ITIH4: variants seen among roughly 807,000 people sequenced by gnomAD.
ITIH4 encodes the protein inter-alpha-trypsin inhibitor heavy chain H4.
A neutral mutation model predicts 111.8 loss-of-function variants in ITIH4; 79 were observed. The ratio of observed to expected loss-of-function variants is 0.71; its 90% CI spans 0.59 to 0.85. ITIH4 has a LOEUF of 0.85. Among genes scored for constraint, ITIH4 ranks in the 40% least tolerant of loss-of-function variants. ITIH4 has a pLI of 0.00. For missense variants in ITIH4, 1,065 were observed against 1,195.8 expected, an observed-to-expected ratio of 0.89 and a Z score of 1.61; for synonymous variants, 472 against 468.3, an observed-to-expected ratio of 1.01 and a Z score of -0.10.
rs1578768197 is a variant in ITIH4 at position 52,813,450 on chromosome 3, C to T, written c.2764G>A (p.Glu922Lys). The change falls in exon 24 of 24, where the codon GAG becomes AAG. Residue 922 changes from glutamate to lysine, a missense_variant. Transcript: ENST00000266041. ...AGCTCCACAGACCAGCAGGAAATCT[C>T]CACTCCCGGGGGCCCCTCCTGGTAA... The part of the protein sequence containing the change: ...LDYQEGPPGV[E>K]ISCWSVEL 4.3e-6 allele frequency: 7 copies of T among 1,614,056 alleles called. No individual in the cohort carries two copies. The highest frequency in any genetic ancestry group is 1.6e-4 in the Middle Eastern group (1 of 6,084).
At chr3:52,820,158 C>G in intron 14 of ITIH4, 133 bp downstream of exon 14, 1 of 1,366,708 alleles carries the variant, frequency 7.3e-7, no homozygotes, top group Non-Finnish European at 1.0e-6. Flanking sequence ...ACACTGCCTC[C>G]TGGCAGCAGG....
intron 4 of ITIH4, 42 bp downstream of exon 4, chr3:52,826,749 G>A: frequency 6.2e-7 from 1 of 1,613,306 alleles, no homozygotes; most frequent in African/African-American, 1.3e-5. Flanking sequence ...GCAGGGCAAG[G>A]GTCATGCAGG....
Position 52,821,062 on chromosome 3 carries a change from G to A in ITIH4, c.1608C>T (p.Pro536=). Residue 536 remains proline, a synonymous_variant, in exon 12 of 24, where the codon CCC becomes CCT. Transcript: ENST00000266041. ...VAEQEAEFQS[P]KYIFHNFMER... is the part of the protein sequence containing the mutation. ...CCATGAAGTTGTGGAAGATATACTT[G>A]GGGCTCTGGAACTCCGCCTCCTGCT... 1.2e-6 allele frequency: 2 copies of A among 1,614,042 alleles called. No individual in the cohort carries two copies. The highest frequency in any genetic ancestry group is 1.7e-6 in the Non-Finnish European group (2 of 1,180,028).
chr3:52,830,360 C>T (rs765903374), intron 1 of ITIH4, 193 bp downstream of exon 1: 2 of 686,646 alleles, frequency 2.9e-6, no homozygotes, highest in East Asian at 2.8e-5. Context: ...ATTGGATCAT[C>T]CCCTCTATTA....
Position 52,819,771 on chromosome 3 carries a change from C to A in ITIH4, c.1934G>T (p.Arg645Ile). Residue 645 changes from arginine (R) to isoleucine (I), a missense_variant, in exon 16 of 24, where the codon AGA becomes ATA. Transcript: ENST00000266041. ...PKPEASFSPR[R>I]GWNRQAGAAG... is the part of the protein sequence containing the mutation. ...CAAACTACCTTGTCTATTCCATCCTCTTCTTGGAGAAAAGGAAGCCTCTGT... is the reference window on the plus strand; with the variant it reads ...CAAACTACCTTGTCTATTCCATCCTATTCTTGGAGAAAAGGAAGCCTCTGT... The A allele has an allele frequency of 1.2e-6, 2 of 1,614,148 alleles. No homozygotes were observed. The highest frequency in any genetic ancestry group is 1.7e-6 in the Non-Finnish European group (2 of 1,180,010).
At chr3:52,827,667 G>A (rs1700506677) in intron 2 of ITIH4, among the ~76,000 whole-genome samples, 1 of 152,248 alleles carries the variant, frequency 6.6e-6, no homozygotes, top group East Asian at 1.9e-4. Context: ...GGAAGCAGAC[G>A]TAGGGCTGGA....
intron 4 of ITIH4, 42 bp from the exon 5 acceptor site, chr3:52,826,693 G>A: frequency 6.2e-7 from 1 of 1,610,474 alleles, no homozygotes; most frequent in Non-Finnish European, 8.5e-7. Flanking sequence ...CAGGAGCCTG[G>A]GCTGGGGCTC....
At chr3:52,830,015 G>T (rs1559483319) in intron 1 of ITIH4, 4 of 291,380 alleles carry the variant, frequency 1.4e-5, no homozygotes, top group Non-Finnish European at 2.6e-5. Flanking sequence ...AACTCTGCTC[G>T]GCTGCATGCG....
chr3:52,830,448 G>T, intron 1 of ITIH4, 105 bp downstream of exon 1: 1 of 1,081,386 alleles, frequency 9.2e-7, no homozygotes. Flanking sequence ...ACACAGGGAT[G>T]CACACGCACT....
chr3:52,814,111 A>T (rs1316205567), intron 22 of ITIH4, 40 bp from the exon 23 acceptor site: 1 of 1,609,086 alleles, frequency 6.2e-7, no homozygotes, highest in South Asian at 1.1e-5. Flanking sequence ...TCAGAGACAG[A>T]GGAAGCCTGG....
chr3:52,829,400 G>A (rs1025537162), intron 1 of ITIH4, 121 bp from the exon 2 acceptor site: 32 of 1,062,436 alleles, frequency 3.0e-5, no homozygotes, highest in Non-Finnish European at 3.9e-5. Context: ...CAATCTGACT[G>A]AGCCACTGAC....
At chr3:52,823,346 G>C (rs1700419222) in intron 11 of ITIH4, 3 of 582,162 alleles carry the variant, frequency 5.2e-6, no homozygotes, top group African/African-American at 1.9e-5. Flanking sequence ...TGTGCTTGCA[G>C]GTGCACAGAC....
Position 52,813,096 on chromosome 3 carries a change from T to C in ITIH4, c.*325A>G, listed in dbSNP as rs1700220021. The stretch of plus-strand genomic sequence containing the variant: ...CTGGGGGCCACAGTGACATCTCAAA[T>C]GGGTGGTTCGAGCTCAGTTTCCTTG... On this transcript the variant is annotated 3_prime_UTR_variant, in exon 24 of 24. Coordinates refer to ENST00000266041, the MANE Select transcript of ITIH4 (RefSeq NM_002218.5). 1 of 260,194 alleles carries C rather than the reference T, an allele frequency of 3.8e-6. No individual in the cohort carries two copies. Among genetic ancestry groups the C allele is most frequent in the Admixed American group, 5.1e-5 (1 of 19,722 alleles). The allele number at this position is 260,194 out of a possible 1,614,324, so 16.1% of individuals were successfully genotyped here.
At position 52,817,000 on chromosome 3, in the gene ITIH4, C is replaced by T. The variant is rs557488282; in HGVS notation, c.2355G>A (p.Val785=). The part of the protein sequence containing the change: ...REKAGFSWIE[V]TFKNPLVWVH... ...CCCATACCAGGGGGTTCTTGAAGGT[C>T]ACTTCGATCCATGAGAACCCAGCCT... Residue 785 remains valine, a synonymous_variant, in exon 21 of 24, where the codon GTG becomes GTA. Coordinates refer to ENST00000266041, the MANE Select transcript of ITIH4 (RefSeq NM_002218.5). The T allele has an allele frequency of 3.7e-6, 6 of 1,614,008 alleles. No homozygotes were observed. In the African/African-American group the frequency reaches 6.7e-5, roughly 18 times the overall value.
rs2535615 is a variant in ITIH4 at position 52,820,519 on chromosome 3, G to C, written c.1834+112C>G. 0.033 allele frequency: 44,100 copies of C among 1,330,250 alleles called. 6,439 individuals carry two copies. The African/African-American group carries it at 0.36, about 11-fold the overall frequency. 82.4% of individuals were successfully genotyped at this position (1,330,250 alleles called of 1,614,324 possible). A position where few individuals can be genotyped will look rare whatever the true frequency, so the allele number is the denominator to read the frequency against. On this transcript the variant is annotated intron_variant, in intron 13 of 23. Coordinates refer to ENST00000266041, the MANE Select transcript of ITIH4 (RefSeq NM_002218.5). Reference sequence around the variant, plus strand: ...GTGAATAGGCTGAATCTCCCAGGGGGAGTCTGTTGGGGGCACGGTTGGGGT... The same window carrying C: ...GTGAATAGGCTGAATCTCCCAGGGGCAGTCTGTTGGGGGCACGGTTGGGGT...
intron 4 of ITIH4, 53 bp from the exon 5 acceptor site, chr3:52,826,704 A>G (rs1014652010): frequency 6.2e-7 from 1 of 1,610,986 alleles, no homozygotes; most frequent in Admixed American, 1.7e-5. Context: ...GCTGGGGCTC[A>G]CAGGAGGCTC....
Position 52,829,170 on chromosome 3 carries a change from G to A in ITIH4, c.200C>T (p.Ala67Val). 1 of 1,612,054 alleles carries A rather than the reference G, an allele frequency of 6.2e-7. No individual in the cohort carries two copies. ...VVNRANTVQE[A>V]TFQMELPKKA... ...CTTGGGCAGCTCCATCTGGAAGGTG[G>A]CCTCCTGCACAGTATTGGCCCTATT... Residue 67 changes from alanine (A) to valine (V), a missense_variant, in exon 2 of 24, where the codon GCC becomes GTC. Transcript: ENST00000266041.
rs999417003 is a variant in ITIH4, at chr3:52,818,501, C to G, written c.2113G>C (p.Asp705His). Residue 705 changes from aspartate to histidine, a missense_variant, in exon 18 of 24, where the codon GAT becomes CAT. By Grantham distance (81) the Asp-to-His change is moderately conservative (BLOSUM62 -1). Coordinates refer to ENST00000266041, the MANE Select transcript of ITIH4 (RefSeq NM_002218.5). ...TTCATGACACGAGACACAGCTGGAT[C>G]AGGATTTGAGGTGGCTGGTGGTGCT... ...ASAPPATSNP[D>H]PAVSRVMNMK... is the part of the protein sequence containing the mutation. 8 of 1,606,100 alleles carry G rather than the reference C, an allele frequency of 5.0e-6. No individual in the cohort carries two copies. The highest frequency in any genetic ancestry group is 3.3e-4 in the Middle Eastern group (2 of 6,074).
At position 52,830,564 on chromosome 3, in the gene ITIH4, T is replaced by C. The variant is rs1224343185; in HGVS notation, c.79A>G (p.Thr27Ala). ...TGGACACTGGCTACCTTTTCGGCAG[T>C]AGTAGTCTGGTGGATGGCCAGCAGT... is the stretch of plus-strand genomic sequence containing the variant. ...LSLLAIHQTTTAEKNGIDIYS... is the reference protein window; with the variant it reads ...LSLLAIHQTTAAEKNGIDIYS... The change falls in exon 1 of 24, where the codon ACT (threonine) becomes GCT (alanine). Residue 27 changes from threonine to alanine, a missense_variant. Coordinates refer to ENST00000266041, the MANE Select transcript of ITIH4 (RefSeq NM_002218.5). 5 of 1,614,064 alleles carry C rather than the reference T, an allele frequency of 3.1e-6. No individual in the cohort carries two copies. Among genetic ancestry groups the C allele is most frequent in the East Asian group, 4.5e-5 (2 of 44,868 alleles).
Sources: gnomAD v4.1 joint callset for allele counts (sites outside exome capture counted in the v4.1 genomes callset) on GRCh38, gnomAD v4.1.1 for gene constraint, MANE v1.5 for transcripts, NCBI Gene and HGNC (gene_info 2026-07-23, HGNC 2026-07-21) for gene names.